The following DPP10 variants were observed in gnomAD, a reference collection of about 807,000 sequenced individuals.
The protein encoded by DPP10 is dipeptidyl peptidase like 10, also known as inactive dipeptidyl peptidase 10.
Under a neutral mutation model 120.9 loss-of-function variants are expected in DPP10, and 33 were observed. The ratio of observed to expected loss-of-function variants is 0.27; its 90% CI spans 0.21 to 0.37. DPP10 has a LOEUF of 0.37. Ranked by LOEUF, DPP10 falls within the 10% of genes least tolerant of loss-of-function variation. The pLI is 1.00. For missense variants in DPP10, 816 were observed against 942.8 expected (o/e 0.87, Z 1.76); for synonymous variants, 337 against 326.1 (o/e 1.03, Z -0.36).
In DPP10 at chr2:115,170,913, C is replaced by T. The variant is rs141929347; in HGVS notation, c.61-138326C>T. 1.6e-4 allele frequency among the ~76,000 whole-genome samples: 24 copies of T among 152,264 alleles called. No individual in the cohort carries two copies. The East Asian group carries it at 3.3e-3, about 21-fold the overall frequency. On this transcript the variant is annotated intron_variant, in intron 1 of 25. Transcript: ENST00000410059. ...TTATTACACATTTCTATTTGCTCAG[C>T]GTCAGTATCTCTGCACTCTAGGATG...
chr2:114,541,327 C>T (rs1008786819), intron 1 of DPP10, among the ~76,000 whole-genome samples: 2 of 152,138 alleles, frequency 1.3e-5, no homozygotes, highest in Non-Finnish European at 2.9e-5. Flanking sequence ...TCAGCGTGAT[C>T]AACACTGGAC....
intron 1 of DPP10, among the ~76,000 whole-genome samples, chr2:115,005,974 C>T (rs1237665138): frequency 3.3e-5 from 5 of 152,224 alleles, no homozygotes; most frequent in Admixed American, 2.0e-4. Flanking sequence ...AGAGAAAGGT[C>T]GGGTTACCCT....
chr2:115,553,813 T>C (rs1558839797), intron 5 of DPP10, among the ~76,000 whole-genome samples: 2 of 152,002 alleles, frequency 1.3e-5, no homozygotes, highest in South Asian at 4.1e-4. Flanking sequence ...CTCAAAATTA[T>C]GCTGAGGGTT....
intron 3 of DPP10, among the ~76,000 whole-genome samples, chr2:115,485,258 A>G (rs1397817686): frequency 1.5e-5 from 2 of 131,908 alleles, no homozygotes; most frequent in Non-Finnish European, 3.4e-5. Flanking sequence ...AAAAAAAAAC[A>G]AACAAAAACC....
intron 1 of DPP10, among the ~76,000 whole-genome samples, chr2:115,069,246 G>C (rs910787364): frequency 1.3e-5 from 2 of 151,920 alleles, no homozygotes; most frequent in Non-Finnish European, 2.9e-5. Flanking sequence ...TAACTGTACA[G>C]ATCTTTTATC....
At chr2:115,356,426 AG>A (rs886099533) in intron 3 of DPP10, among the ~76,000 whole-genome samples, 7 of 152,094 alleles carry the variant, frequency 4.6e-5, no homozygotes, top group African/African-American at 1.7e-4. Flanking sequence ...ACTTTGCTGA[AG>A]TTGCTTATCA....
At chr2:115,220,339 A>G (rs1443283613) in intron 1 of DPP10, among the ~76,000 whole-genome samples, 5 of 152,180 alleles carry the variant, frequency 3.3e-5, no homozygotes, top group Non-Finnish European at 7.3e-5. Flanking sequence ...AAAAAATAGT[A>G]TATTTCCAAT....
At chr2:114,871,764 G>A (rs1307751418) in intron 1 of DPP10, among the ~76,000 whole-genome samples, 1 of 152,174 alleles carries the variant, frequency 6.6e-6, no homozygotes, top group Non-Finnish European at 1.5e-5. Context: ...TTGGCCTGTT[G>A]GGAACTGGGT....
intron 5 of DPP10, among the ~76,000 whole-genome samples, chr2:115,597,530 C>CAT (rs1209357055): frequency 2.7e-5 from 4 of 145,478 alleles, no homozygotes; most frequent in South Asian, 2.1e-4. Flanking sequence ...GTCATATATA[C>CAT]ATATATATAC....
chr2:114,877,156 A>G (rs1691227536), intron 1 of DPP10, among the ~76,000 whole-genome samples: 1 of 152,104 alleles, frequency 6.6e-6, no homozygotes, highest in Admixed American at 6.6e-5. Flanking sequence ...TGTTCTTACC[A>G]GAACAGTAGA....
intron 1 of DPP10, among the ~76,000 whole-genome samples, chr2:114,911,244 C>T (rs538153220): frequency 1.2e-4 from 18 of 152,034 alleles, no homozygotes; most frequent in South Asian, 6.2e-4. Context: ...AGTATTCTTA[C>T]GGTATCAAGT....
At chr2:115,432,602 A>T (rs2071093616) in intron 3 of DPP10, among the ~76,000 whole-genome samples, 1 of 150,834 alleles carries the variant, frequency 6.6e-6, no homozygotes, top group South Asian at 2.1e-4. Context: ...AATTTTGTTA[A>T]CCTGAAATAT....
At chr2:115,285,450 A>C (rs1049918608) in intron 1 of DPP10, among the ~76,000 whole-genome samples, 5 of 152,030 alleles carry the variant, frequency 3.3e-5, no homozygotes, top group Non-Finnish European at 5.9e-5. Flanking sequence ...TTTATTTTAA[A>C]AGTTCCTTTC....
chr2:114,694,403 A>G (rs1322773522), intron 1 of DPP10, among the ~76,000 whole-genome samples: 4 of 151,986 alleles, frequency 2.6e-5, no homozygotes, highest in Admixed American at 6.6e-5. Flanking sequence ...AATATGATTT[A>G]TAATCGAAAC....
At chr2:114,469,371 G>T (rs1367184) in intron 1 of DPP10, among the ~76,000 whole-genome samples, 76,055 of 152,126 alleles carry the variant, frequency 0.5, 21,752 homozygotes, top group East Asian at 0.7. Context: ...TATTGTCTAG[G>T]TTTTATCATT....
chr2:115,406,010 C>T (rs1347010302), intron 3 of DPP10, among the ~76,000 whole-genome samples: 1 of 152,220 alleles, frequency 6.6e-6, no homozygotes, highest in Non-Finnish European at 1.5e-5. Flanking sequence ...TGCTGTACCG[C>T]ACCCTTGGCT....
intron 1 of DPP10, among the ~76,000 whole-genome samples, chr2:115,255,900 C>G (rs962441393): frequency 6.6e-6 from 1 of 152,154 alleles, no homozygotes. Flanking sequence ...TAGGAAGTTC[C>G]AAAGTTTCCC....
intron 1 of DPP10, among the ~76,000 whole-genome samples, chr2:115,240,807 T>A (rs1413197080): frequency 6.6e-6 from 1 of 152,212 alleles, no homozygotes; most frequent in Non-Finnish European, 1.5e-5. Context: ...TAAGATAATT[T>A]TATTCTTTAT....
intron 1 of DPP10, among the ~76,000 whole-genome samples, chr2:115,201,237 C>T (rs1432598459): frequency 6.6e-6 from 1 of 152,074 alleles, no homozygotes. Flanking sequence ...CTGAAGCGGG[C>T]TGATCACCTG....
Sources: allele counts gnomAD v4.1 joint callset (sites outside exome capture counted in the v4.1 genomes callset), GRCh38; gene constraint gnomAD v4.1.1; transcripts MANE v1.5; gene names NCBI Gene and HGNC (gene_info 2026-07-23, HGNC 2026-07-21).